The following ATF6 variants were observed in gnomAD, a reference collection of about 807,000 sequenced individuals.
ATF6 encodes the protein cyclic AMP-dependent transcription factor ATF-6 alpha.
In ATF6, 53 loss-of-function variants were observed where a neutral mutation model predicts 83.6. The observed-to-expected ratio is 0.63, with a 90% CI of 0.51 to 0.80. The LOEUF (loss-of-function observed/expected upper bound fraction) is 0.80. Among genes scored for constraint, ATF6 ranks in the 30% least tolerant of loss-of-function variants. ATF6 has a pLI of 0.00. For missense variants in ATF6, 744 were observed against 797.9 expected, an observed-to-expected ratio of 0.93 and a Z score of 0.81; for synonymous variants, 288 against 285.8, an observed-to-expected ratio of 1.01 and a Z score of -0.08.
At chr1:161,854,495 C>T (rs1047102729) in intron 12 of ATF6, among the ~76,000 whole-genome samples, 3 of 152,228 alleles carry the variant, frequency 2.0e-5, no homozygotes, top group African/African-American at 7.2e-5. Context: ...ATGTATCTTT[C>T]TGTGTGCTCG....
intron 15 of ATF6, among the ~76,000 whole-genome samples, chr1:161,935,104 T>C (rs1211198320): frequency 6.6e-6 from 1 of 152,238 alleles, no homozygotes; most frequent in Non-Finnish European, 1.5e-5. Context: ...CTAGGTGGAA[T>C]ATTTTTTATT....
intron 15 of ATF6, among the ~76,000 whole-genome samples, chr1:161,916,314 G>A (rs1162200295): frequency 2.0e-5 from 3 of 152,084 alleles, no homozygotes; most frequent in African/African-American, 7.2e-5. Flanking sequence ...ACAGATGAGT[G>A]CAGTAAATAT....
chr1:161,828,476 A>C, intron 9 of ATF6, among the ~76,000 whole-genome samples: 1 of 152,106 alleles, frequency 6.6e-6, no homozygotes, highest in East Asian at 1.9e-4. Context: ...ATGGGAAAGA[A>C]AGCTGTGGAC....
rs751831066 is a variant in ATF6 at position 161,792,115 on chromosome 1, T to C, written c.485-9T>C. 27 of 1,613,100 alleles carry C rather than the reference T, an allele frequency of 1.7e-5. 1 individual carries two copies. In the South Asian group the frequency reaches 2.3e-4, roughly 14 times the overall value. On this transcript the variant is annotated splice_polypyrimidine_tract_variant and intron_variant, in intron 5 of 15. Transcript: ENST00000367942. Reference sequence around the variant, plus strand: ...ACATTGACTTGTGGTTTGTCTGGTTTTTCTCCAGAAAATGGACTGACTCCA... The same window carrying C: ...ACATTGACTTGTGGTTTGTCTGGTTCTTCTCCAGAAAATGGACTGACTCCA...
At chr1:161,857,147 G>A (rs1192822643) in intron 12 of ATF6, among the ~76,000 whole-genome samples, 1 of 152,084 alleles carries the variant, frequency 6.6e-6, no homozygotes, top group East Asian at 1.9e-4. Flanking sequence ...CTGTTTCTTG[G>A]TGTAAAGAGC....
In ATF6 at chr1:161,958,683, C is replaced by T. The variant is rs78713669; in HGVS notation, c.*29C>T. The T allele has an allele frequency of 2.5e-3, 3,901 of 1,568,204 alleles. 92 individuals carry two copies. In the African/African-American group the frequency reaches 0.045, roughly 18 times the overall value. ...CCTGCAGCTATGCTGGAAAACTGAG[C>T]GTGGGACCCTGCCAGACTGAAGAGC... On this transcript the variant is annotated 3_prime_UTR_variant, in exon 16 of 16. Transcript: ENST00000367942.
chr1:161,903,222 A>G lies in ATF6; in HGVS notation c.1720-9074A>G, dbSNP rs1233634295. The stretch of plus-strand genomic sequence containing the variant: ...TAGAGGCTTTGAATACTTGTGCTTC[A>G]ATTATTTTTCTCCTGTCATCTTTTA... On this transcript the variant is annotated intron_variant, in intron 14 of 15. Coordinates refer to ENST00000367942, the MANE Select transcript of ATF6 (RefSeq NM_007348.4). Among the ~76,000 whole-genome samples the G allele has an allele frequency of 7.2e-5, 11 of 152,332 alleles. No individual in the cohort carries two copies. In the East Asian group the frequency reaches 2.1e-3, roughly 29 times the overall value.
intron 9 of ATF6, among the ~76,000 whole-genome samples, chr1:161,834,120 G>T (rs1385189397): frequency 1.3e-5 from 2 of 152,142 alleles, no homozygotes; most frequent in Non-Finnish European, 1.5e-5. Context: ...CTAAAGAAAA[G>T]AATTTTCAAC....
intron 7 of ATF6, among the ~76,000 whole-genome samples, chr1:161,807,681 A>AAAATTTAT (rs1373789211): frequency 6.6e-6 from 1 of 152,064 alleles, no homozygotes; most frequent in African/African-American, 2.4e-5. Flanking sequence ...GGAGCTTCTA[A>AAAATTTAT]AAATTTATCT....
chr1:161,815,244 A>G (rs1260363869), intron 7 of ATF6, among the ~76,000 whole-genome samples: 1 of 145,222 alleles, frequency 6.9e-6, no homozygotes, highest in African/African-American at 2.6e-5. Context: ...CAGGCTGGAG[A>G]ACAGTGATGC....
Position 161,803,274 on chromosome 1 carries a change from A to G in ATF6, c.909+1002A>G, listed in dbSNP as rs1685200319. Among the ~76,000 whole-genome samples the G allele has an allele frequency of 5.3e-5, 8 of 152,220 alleles. 1 individual carries two copies. The South Asian group carries it at 1.7e-3, about 31-fold the overall frequency. On this transcript the variant is annotated intron_variant, in intron 7 of 15. Coordinates refer to ENST00000367942, the MANE Select transcript of ATF6 (RefSeq NM_007348.4). ...AGTTGCATAAACAGTAATCTCAGCC[A>G]GCAATATTGTAAAAATTCATAACAA...
chr1:161,917,565 C>T (rs4657122), intron 15 of ATF6, among the ~76,000 whole-genome samples: 114,264 of 151,656 alleles, frequency 0.75, 43,521 homozygotes, highest in Middle Eastern at 0.8. Flanking sequence ...GGACTACAGG[C>T]GCCTGCCACC....
chr1:161,874,135 C>A (rs550022461), intron 14 of ATF6, among the ~76,000 whole-genome samples: 1 of 151,556 alleles, frequency 6.6e-6, no homozygotes, highest in African/African-American at 2.4e-5. Context: ...GTAAGAATTT[C>A]TCTGGGTTTC....
chr1:161,879,738 A>G (rs1384159867), intron 14 of ATF6, among the ~76,000 whole-genome samples: 3 of 152,062 alleles, frequency 2.0e-5, no homozygotes, highest in Non-Finnish European at 4.4e-5. Context: ...TTCTGCTGAC[A>G]TCATCAGGCA....
chr1:161,804,537 AT>A (rs1685231815), intron 7 of ATF6, among the ~76,000 whole-genome samples: 1 of 152,144 alleles, frequency 6.6e-6, no homozygotes. Flanking sequence ...GAAGGTTGTT[AT>A]GTGGAAAATA....
intron 12 of ATF6, among the ~76,000 whole-genome samples, chr1:161,857,815 G>T (rs75959317): frequency 6.6e-6 from 1 of 151,924 alleles, no homozygotes; most frequent in African/African-American, 2.4e-5. Flanking sequence ...AAGAACACAA[G>T]GGGGGGAGGG....
At position 161,958,822 on chromosome 1, in the gene ATF6, A is replaced by G. The variant is rs1689022817; in HGVS notation, c.*168A>G. Reference sequence around the variant, plus strand: ...GAAGCTGCTCCATTTTTCATCATCTACCCATCTATTTGGAAAGCACTGGAA... The same window carrying G: ...GAAGCTGCTCCATTTTTCATCATCTGCCCATCTATTTGGAAAGCACTGGAA... On this transcript the variant is annotated 3_prime_UTR_variant, in exon 16 of 16. Transcript: ENST00000367942. 1.7e-6 allele frequency: 1 copy of G among 577,264 alleles called. No homozygotes were observed. Among genetic ancestry groups the G allele is most frequent in the African/African-American group, 1.9e-5 (1 of 53,284 alleles). The allele number at this position is 577,264 out of a possible 1,614,324, so 35.8% of individuals were successfully genotyped here.
intron 10 of ATF6, among the ~76,000 whole-genome samples, chr1:161,847,264 G>A (rs1233771192): frequency 5.3e-5 from 8 of 152,178 alleles, no homozygotes; most frequent in African/African-American, 1.7e-4. Flanking sequence ...GGAGGTCACA[G>A]TATGGTAACT....
intron 14 of ATF6, among the ~76,000 whole-genome samples, chr1:161,884,541 T>C (rs889580904): frequency 1.2e-4 from 18 of 152,116 alleles, no homozygotes; most frequent in Admixed American, 6.5e-5. Context: ...AAAGCTCTTC[T>C]AACTGTAATT....
Sources: allele counts gnomAD v4.1 joint callset (sites outside exome capture counted in the v4.1 genomes callset), GRCh38; gene constraint gnomAD v4.1.1; transcripts MANE v1.5; gene names NCBI Gene and HGNC (gene_info 2026-07-23, HGNC 2026-07-21).